IFT57: variants seen among roughly 807,000 people sequenced by gnomAD.
The protein encoded by IFT57 is intraflagellar transport 57.
IFT57 carries 59 observed loss-of-function variants against 56.8 expected under a neutral mutation model. That is an observed-to-expected ratio of 1.04 (90% CI 0.84 to 1.29). The LOEUF is 1.29. Among genes scored for constraint, IFT57 ranks in the 50% most tolerant of loss-of-function variants. The pLI is 0.00. For missense variants in IFT57, 470 were observed against 522.1 expected, an observed-to-expected ratio of 0.90 and a Z score of 0.97; for synonymous variants, 209 against 186.1, an observed-to-expected ratio of 1.12 and a Z score of -1.00.
chr3:108,197,589 T>C (rs527498970), intron 5 of IFT57, among the ~76,000 whole-genome samples: 10 of 152,320 alleles, frequency 6.6e-5, no homozygotes, highest in Non-Finnish European at 1.0e-4. Context: ...TGTAAAAATA[T>C]ACATGAGATG....
intron 2 of IFT57, 69 bp downstream of exon 2, chr3:108,219,341 G>A (rs1218941021): frequency 1.6e-5 from 21 of 1,313,374 alleles, no homozygotes; most frequent in Non-Finnish European, 2.3e-5. Flanking sequence ...GCTAGCATTT[G>A]TTATTAAATT....
intron 6 of IFT57, among the ~76,000 whole-genome samples, chr3:108,172,273 G>A (rs2080097833): frequency 6.6e-6 from 1 of 151,788 alleles, no homozygotes; most frequent in Non-Finnish European, 1.5e-5. Flanking sequence ...AATACATGGA[G>A]ACCAAGCAGC....
chr3:108,219,026 A>G (rs905073784), intron 2 of IFT57, among the ~76,000 whole-genome samples: 2 of 152,192 alleles, frequency 1.3e-5, no homozygotes, highest in Admixed American at 1.3e-4. Context: ...CTGCCTGCCC[A>G]GGAAAAGTCA....
At chr3:108,167,703 T>C (rs1383582641) in intron 7 of IFT57, 90 bp downstream of exon 7, 29 of 866,536 alleles carry the variant, frequency 3.3e-5, no homozygotes, top group Non-Finnish European at 4.9e-5. Flanking sequence ...AAGGCAAAAA[T>C]TGTGTCTTTT....
intron 1 of IFT57, 32 bp from the exon 2 acceptor site, chr3:108,219,604 T>C (rs373732351): frequency 8.7e-5 from 139 of 1,602,264 alleles, no homozygotes; most frequent in Non-Finnish European, 1.2e-4. Flanking sequence ...TGGGGGCGGA[T>C]GTGAAATAAT....
In IFT57 at chr3:108,191,555, G is replaced by A. The variant is rs752845506; in HGVS notation, c.743C>T (p.Pro248Leu). Residue 248 changes from proline (P) to leucine (L), a missense_variant, in exon 6 of 11, where the codon CCG becomes CTG. Transcript: ENST00000264538. ...EWSLEVERVL[P>L]QLKVTIRTDN... ...AGTCCTAATCGTGACTTTCAGTTGCGGTAGTACACGTTCCACTTCTAGGCT... is the reference window on the plus strand; with the variant it reads ...AGTCCTAATCGTGACTTTCAGTTGCAGTAGTACACGTTCCACTTCTAGGCT... The A allele has an allele frequency of 2.5e-5, 40 of 1,605,894 alleles. No homozygotes were observed. The highest frequency in any genetic ancestry group is 4.0e-5 in the African/African-American group (3 of 74,410).
chr3:108,221,928 T>A, intron 1 of IFT57, 183 bp downstream of exon 1: 2 of 1,223,370 alleles, frequency 1.6e-6, no homozygotes, highest in Non-Finnish European at 2.2e-6. Context: ...AAATACCAAG[T>A]CAGGGCTGCG....
At chr3:108,167,216 T>C (rs1350187107) in intron 7 of IFT57, 1 of 434,118 alleles carries the variant, frequency 2.3e-6, no homozygotes, top group African/African-American at 2.0e-5. Context: ...AATTCATTTG[T>C]CATTATACAT....
intron 6 of IFT57, among the ~76,000 whole-genome samples, chr3:108,170,050 T>C (rs1308889230): frequency 6.6e-6 from 1 of 152,012 alleles, no homozygotes; most frequent in Non-Finnish European, 1.5e-5. Context: ...TCATACTGAA[T>C]GGGCAAAAGC....
chr3:108,165,606 C>G, intron 8 of IFT57, 113 bp from the exon 9 acceptor site: 1 of 778,706 alleles, frequency 1.3e-6, no homozygotes, highest in South Asian at 1.4e-5. Context: ...AACCCTGCTC[C>G]TTGTTTGTGA....
chr3:108,189,382 A>G (rs1030631542), intron 6 of IFT57, among the ~76,000 whole-genome samples: 3 of 152,230 alleles, frequency 2.0e-5, no homozygotes, highest in Non-Finnish European at 4.4e-5. Context: ...TCTGAGACAC[A>G]GTTGTACAAG....
At chr3:108,185,860 T>C (rs920194546) in intron 6 of IFT57, among the ~76,000 whole-genome samples, 1 of 152,122 alleles carries the variant, frequency 6.6e-6, no homozygotes, top group Non-Finnish European at 1.5e-5. Flanking sequence ...GAGAACCCCT[T>C]TTCTGGACTG....
intron 5 of IFT57, among the ~76,000 whole-genome samples, chr3:108,195,407 C>T (rs1022968764): frequency 6.6e-6 from 1 of 152,098 alleles, no homozygotes; most frequent in Non-Finnish European, 1.5e-5. Context: ...CTATGGAGAA[C>T]ACTTTGGAGG....
chr3:108,189,809 T>C (rs796081082), intron 6 of IFT57, among the ~76,000 whole-genome samples: 1 of 152,210 alleles, frequency 6.6e-6, no homozygotes, highest in South Asian at 2.1e-4. Flanking sequence ...GAAATGATAC[T>C]GATAATATAA....
rs367999256 is a variant in IFT57, at chr3:108,222,212, G to A, written c.111C>T (p.Ala37=). Residue 37 remains alanine, a synonymous_variant, in exon 1 of 11, where the codon GCC becomes GCT. Transcript: ENST00000264538. ...EVVLERGPGA[A]YHMFVVMEDL... ...CCTCCATCACCACGAACATGTGGTA[G>A]GCCGCGCCGGGCCCCCGCTCCAAGA... The A allele has an allele frequency of 2.5e-6, 4 of 1,613,988 alleles. No individual in the cohort carries two copies. In the African/African-American group the frequency reaches 5.3e-5, roughly 22 times the overall value.
intron 5 of IFT57, among the ~76,000 whole-genome samples, chr3:108,203,483 C>T (rs1218557553): frequency 6.6e-6 from 1 of 152,148 alleles, no homozygotes; most frequent in African/African-American, 2.4e-5. Context: ...CTAGACTTCA[C>T]TTTATTTAAT....
Position 108,166,989 on chromosome 3 carries a change from G to T in IFT57, c.850-4C>A, listed in dbSNP as rs1310740908. 1 of 1,602,624 alleles carries T rather than the reference G, an allele frequency of 6.2e-7. No homozygotes were observed. Among genetic ancestry groups the T allele is most frequent in the Admixed American group, 1.7e-5 (1 of 58,112 alleles). On this transcript the variant is annotated splice_polypyrimidine_tract_variant and splice_region_variant and intron_variant, in intron 7 of 10. Transcript: ENST00000264538. ...TATGGAGTTTGTCCAAAAATCCCTA[G>T]AAATTCCATGGAATTTGCAGATAGA... is the stretch of plus-strand genomic sequence containing the variant.
chr3:108,191,947 A>T (rs995121920), intron 5 of IFT57, among the ~76,000 whole-genome samples: 2 of 152,136 alleles, frequency 1.3e-5, no homozygotes, highest in African/African-American at 4.8e-5. Flanking sequence ...CCAACAAGCC[A>T]TTTAGGTATG....
intron 4 of IFT57, 166 bp downstream of exon 4, chr3:108,213,765 T>C (rs1457040020): frequency 7.5e-6 from 4 of 530,752 alleles, no homozygotes; most frequent in Non-Finnish European, 1.3e-5. Flanking sequence ...AACATTAACT[T>C]AACCAAAGGT....
Sources: allele counts gnomAD v4.1 joint callset (sites outside exome capture counted in the v4.1 genomes callset), GRCh38; gene constraint gnomAD v4.1.1; transcripts MANE v1.5; gene names NCBI Gene and HGNC (gene_info 2026-07-23, HGNC 2026-07-21).